The following KHDC4 variants were observed in gnomAD, a reference collection of about 807,000 sequenced individuals.
The protein encoded by KHDC4 is KH homology domain-containing protein 4.
A neutral mutation model predicts 74.5 loss-of-function variants in KHDC4; 19 were observed. The ratio of observed to expected loss-of-function variants is 0.26; its 90% CI spans 0.18 to 0.37. KHDC4 has a LOEUF of 0.37. Among genes scored for constraint, KHDC4 ranks in the 10% least tolerant of loss-of-function variants. KHDC4 has a pLI of 1.00. For missense variants in KHDC4, 632 were observed against 754.1 expected (o/e 0.84, Z 1.90); for synonymous variants, 253 against 266.1 (o/e 0.95, Z 0.48).
Position 155,914,169 on chromosome 1 carries a change from T to C in KHDC4, c.1797A>G (p.Ser599=). 1 of 1,614,192 alleles carries C rather than the reference T, an allele frequency of 6.2e-7. No individual in the cohort carries two copies. The highest frequency in any genetic ancestry group is 1.6e-4 in the Middle Eastern group (1 of 6,062). ...QGWSLGYQYP[S]SQPRAKQQMP... is the part of the protein sequence containing the mutation. ...TCTGTTGTTTAGCTCGTGGTTGTGA[T>C]GAAGGATATTGGTATCCCAAACTCC... is the stretch of plus-strand genomic sequence containing the variant. The change falls in exon 14 of 14, where the codon TCA becomes TCG. Residue 599 remains serine, a synonymous_variant. Coordinates refer to ENST00000368321, the MANE Select transcript of KHDC4 (RefSeq NM_014949.4).
intron 10 of KHDC4, chr1:155,920,084 T>TATA (rs1557967256): frequency 2.3e-6 from 1 of 432,236 alleles, no homozygotes; most frequent in Admixed American, 2.6e-5. Context: ...GACCAGTATA[T>TATA]ATAATCCATC....
chr1:155,925,481 A>T, intron 7 of KHDC4, 151 bp downstream of exon 7: 1 of 662,132 alleles, frequency 1.5e-6, no homozygotes, highest in Non-Finnish European at 2.6e-6. Context: ...CAATTTCTTT[A>T]ACTAATTATA....
chr1:155,920,493 A>G (rs1250699349), intron 10 of KHDC4, among the ~76,000 whole-genome samples: 1 of 152,202 alleles, frequency 6.6e-6, no homozygotes, highest in Non-Finnish European at 1.5e-5. Context: ...ACATACCAGC[A>G]TTTATAATCC....
At chr1:155,921,349 T>A in intron 10 of KHDC4, 26 bp downstream of exon 10, 1 of 1,610,086 alleles carries the variant, frequency 6.2e-7, no homozygotes, top group Non-Finnish European at 8.5e-7. Context: ...TTCAGTAATA[T>A]GTTGTTGCAT....
Position 155,934,357 on chromosome 1 carries a change from G to T in KHDC4, c.17C>A (p.Ala6Glu). Residue 6 changes from alanine (A) to glutamate (E), a missense_variant, in exon 1 of 14, where the codon GCG (alanine) becomes GAG (glutamate). Ala to Glu is a moderately radical substitution (Grantham distance 107). Transcript: ENST00000368321. Reference protein sequence around the residue: MSAGSATHPGAGGRRS... With the variant: MSAGSETHPGAGGRRS... The stretch of plus-strand genomic sequence containing the variant: ...GTACCCGCCAGCTCCAGGATGTGTC[G>T]CGCTCCCCGCGGACATGGCGACCGC... The T allele has an allele frequency of 6.2e-7, 1 of 1,611,082 alleles. No individual in the cohort carries two copies.
chr1:155,929,138 T>C (rs1012736352), intron 4 of KHDC4, among the ~76,000 whole-genome samples, 158 bp downstream of exon 4: 1 of 152,168 alleles, frequency 6.6e-6, no homozygotes, highest in African/African-American at 2.4e-5. Context: ...ACATCTTGTA[T>C]CTGTTTGATA....
chr1:155,921,886 C>T lies in KHDC4; in HGVS notation c.987G>A (p.Gln329=). Residue 329 remains glutamine (Q), a synonymous_variant, in exon 9 of 14, where the codon CAG becomes CAA. Coordinates refer to ENST00000368321, the MANE Select transcript of KHDC4 (RefSeq NM_014949.4). ...CTGGTAAAGGTACAGCAGTATTAATCTGATTCACAAATCTAGAGTATTCAG... is the reference window on the plus strand; with the variant it reads ...CTGGTAAAGGTACAGCAGTATTAATTTGATTCACAAATCTAGAGTATTCAG... The part of the protein sequence containing the change: ...VHAEYSRFVN[Q]INTAVPLPGY... 6.2e-7 allele frequency: 1 copy of T among 1,609,612 alleles called. No individual in the cohort carries two copies. Among genetic ancestry groups the T allele is most frequent in the South Asian group, 1.1e-5 (1 of 90,530 alleles).
Position 155,915,912 on chromosome 1 carries a change from C to A in KHDC4, c.1606G>T (p.Asp536Tyr), listed in dbSNP as rs769959156. The A allele has an allele frequency of 5.6e-6, 9 of 1,602,410 alleles. 1 individual carries two copies. Among genetic ancestry groups the A allele is most frequent in the Middle Eastern group, 1.7e-4 (1 of 6,032 alleles). The change falls in exon 13 of 14, where the codon GAT (aspartate) becomes TAT (tyrosine). Residue 536 changes from aspartate to tyrosine, a missense_variant. Transcript: ENST00000368321. The stretch of plus-strand genomic sequence containing the variant: ...AAGGTCCCAGACCCATTCCTTTCAT[C>A]GGACTCTGTTTTTATTCCAGTCACT... Reference protein sequence around the residue: ...FPVTGIKTESDERNGSGTLTG... With the variant: ...FPVTGIKTESYERNGSGTLTG...
At chr1:155,920,792 T>A (rs1162519395) in intron 10 of KHDC4, among the ~76,000 whole-genome samples, 2 of 152,202 alleles carry the variant, frequency 1.3e-5, no homozygotes, top group Non-Finnish European at 2.9e-5. Flanking sequence ...CCTCCCCAGA[T>A]GCTGAGATTA....
In KHDC4 at chr1:155,922,543, G is replaced by A. The variant is rs539831019; in HGVS notation, c.955-625C>T. 2.6e-5 allele frequency among the ~76,000 whole-genome samples: 4 copies of A among 152,200 alleles called. No homozygotes were observed. The South Asian group carries it at 8.3e-4, about 32-fold the overall frequency. ...TCCCCTAAACCATACTCAATTCTGG[G>A]GTACAGAATCATTTAGAAAGCCACA... On this transcript the variant is annotated intron_variant, in intron 8 of 13. Transcript: ENST00000368321.
chr1:155,916,303 A>C (rs563702348), intron 12 of KHDC4, among the ~76,000 whole-genome samples: 1 of 152,342 alleles, frequency 6.6e-6, no homozygotes, highest in African/African-American at 2.4e-5. Flanking sequence ...TAATGACTCT[A>C]AAGTAGCAAA....
At chr1:155,914,487 A>G in intron 13 of KHDC4, 167 bp from the exon 14 acceptor site, 1 of 598,574 alleles carries the variant, frequency 1.7e-6, no homozygotes. Context: ...ATCACACGAA[A>G]AACAGCACCA....
chr1:155,919,976 C>A (rs1426588208), intron 10 of KHDC4: 1 of 518,066 alleles, frequency 1.9e-6, no homozygotes, highest in African/African-American at 1.9e-5. Context: ...TCGAGGCTGC[C>A]ATTTGCTATG....
In KHDC4 at chr1:155,917,521, T is replaced by C; in HGVS notation, c.1418A>G (p.Glu473Gly). 3 of 1,529,100 alleles carry C rather than the reference T, an allele frequency of 2.0e-6. No homozygotes were observed. Among genetic ancestry groups the C allele is most frequent in the Non-Finnish European group, 2.7e-6 (3 of 1,131,220 alleles). The allele number at this position is 1,529,100 out of a possible 1,614,324, so 94.7% of individuals were successfully genotyped here. Residue 473 changes from glutamate to glycine, a missense_variant, in exon 11 of 14, where the codon GAA becomes GGA. By Grantham distance (98) the Glu-to-Gly change is moderately conservative. Around this residue, in one of 4 missense-constraint regions of KHDC4, gnomAD observed 254 missense variants for 267.4 expected, o/e 0.95. Transcript: ENST00000368321. ...AACCTGGTATCCAAGCAGTCCAGAT[T>C]CCCGTTCATCTGGTAGCTCCTCTGT... ...RFTEELPDERESGLLGYQHGP... is the reference protein window; with the variant it reads ...RFTEELPDERGSGLLGYQHGP...
In KHDC4 at chr1:155,914,254, G is replaced by T; in HGVS notation, c.1712C>A (p.Ser571Ter). Residue 571 changes from serine (S) to a stop codon, truncating the protein, a stop_gained, in exon 14 of 14, where the codon TCA becomes TAA. Coordinates refer to ENST00000368321, the MANE Select transcript of KHDC4 (RefSeq NM_014949.4). LOFTEE classifies it high-confidence loss of function. ...GFGLVAYAAD[S>*]SDEEEEHGGH... ...TCCATGTTCCTCCTCTTCATCAGAT[G>T]AATCTGCAGCATAAGCCACCAAGCC... 1 of 1,613,868 alleles carries T rather than the reference G, an allele frequency of 6.2e-7. No homozygotes were observed. The highest frequency in any genetic ancestry group is 8.5e-7 in the Non-Finnish European group (1 of 1,179,954).
chr1:155,925,671 G>C lies in KHDC4; in HGVS notation c.854C>G (p.Ser285Cys), dbSNP rs1315230956. The C allele has an allele frequency of 6.2e-7, 1 of 1,614,184 alleles. No individual in the cohort carries two copies. The stretch of plus-strand genomic sequence containing the variant: ...CATAGGTTCAAAAGCTTCTCGGCCA[G>C]ATGCTGGCTCAATGCAGCCTGAACC... ...GKGSGCIEPASGREAFEPMYI... is the reference protein window; with the variant it reads ...GKGSGCIEPACGREAFEPMYI... The change falls in exon 7 of 14, where the codon TCT becomes TGT. Residue 285 changes from serine (S) to cysteine (C), a missense_variant. Coordinates refer to ENST00000368321, the MANE Select transcript of KHDC4 (RefSeq NM_014949.4).
chr1:155,927,133 A>G lies in KHDC4; in HGVS notation c.488T>C (p.Val163Ala). Residue 163 changes from valine (V) to alanine (A), a missense_variant, in exon 5 of 14, where the codon GTT becomes GCT. This residue lies in a region of KHDC4 where 233 missense variants were observed against 342.6 expected (regional missense o/e 0.68). Coordinates refer to ENST00000368321, the MANE Select transcript of KHDC4 (RefSeq NM_014949.4). The part of the protein sequence containing the change: ...GPGDRPLYLH[V>A]QGQTRELVDR... ...CACTAATTCCCGTGTCTGGCCCTGA[A>G]CATGAAGATATAATGGACGATCCCT... 1 of 1,614,064 alleles carries G rather than the reference A, an allele frequency of 6.2e-7. No homozygotes were observed. Among genetic ancestry groups the G allele is most frequent in the Non-Finnish European group, 8.5e-7 (1 of 1,179,908 alleles).
chr1:155,928,680 T>C (rs574612813), intron 4 of KHDC4, among the ~76,000 whole-genome samples: 31 of 147,818 alleles, frequency 2.1e-4, no homozygotes, highest in Admixed American at 9.4e-4. Context: ...ATGCCGGGCG[T>C]GGTGGCTCAC....
At position 155,926,751 on chromosome 1, in the gene KHDC4, T is replaced by C. The variant is rs781007430; in HGVS notation, c.606A>G (p.Val202=). The change falls in exon 6 of 14, where the codon GTA becomes GTG. Residue 202 remains valine, a synonymous_variant. Transcript: ENST00000368321. ...GTSPTFNGAT[V]TVYHQPAPIA... ...TGGGTGCTGGCTGGTGATAGACAGT[T>C]ACTGTTGCACCATTAAAAGTTGGAC... 3.7e-6 allele frequency: 6 copies of C among 1,614,080 alleles called. No homozygotes were observed. The highest frequency in any genetic ancestry group is 5.1e-6 in the Non-Finnish European group (6 of 1,180,036).
Sources: gnomAD v4.1 joint callset for allele counts (sites outside exome capture counted in the v4.1 genomes callset) on GRCh38, gnomAD v4.1.1 for gene constraint, gnomAD v4.1.1 regional missense constraint, MANE v1.5 for transcripts, NCBI Gene and HGNC (gene_info 2026-07-23, HGNC 2026-07-21) for gene names.